MRO: variants seen among roughly 807,000 people sequenced by gnomAD.
MRO encodes the protein protein maestro.
Under a neutral mutation model 31.0 loss-of-function variants are expected in MRO, and 28 were observed. That is an observed-to-expected ratio of 0.90 (90% CI 0.67 to 1.24). The LOEUF (loss-of-function observed/expected upper bound fraction) is 1.24, where lower values mean the gene tolerates loss of function less well. MRO is among the 50% of genes most tolerant of loss of function. MRO has a pLI of 0.00. For missense variants in MRO, 332 were observed against 289.2 expected, an observed-to-expected ratio of 1.15 and a Z score of -1.07; for synonymous variants, 108 against 108.4, an observed-to-expected ratio of 1.00 and a Z score of 0.02.
chr18:50,799,974 C>T (rs1913134127), intron 7 of MRO, 62 bp downstream of exon 7: 24 of 1,162,484 alleles, frequency 2.1e-5, no homozygotes, highest in South Asian at 9.2e-5. Context: ...GGCCACCTTC[C>T]GTGTTAACCA....
At chr18:50,824,421 A>G (rs948431127), upstream of MRO, among the ~76,000 whole-genome samples, 3 of 151,460 alleles carry the variant, frequency 2.0e-5, no homozygotes, top group African/African-American at 4.8e-5. Flanking sequence ...AGCCTGGGTG[A>G]TAGAGCAAGA....
rs1913794567 is a variant in MRO at position 50,805,191 on chromosome 18, A to G, written c.392T>C (p.Ile131Thr). The G allele has an allele frequency of 3.7e-6, 6 of 1,613,738 alleles. No individual in the cohort carries two copies. Among genetic ancestry groups the G allele is most frequent in the Non-Finnish European group, 5.1e-6 (6 of 1,179,570 alleles). Residue 131 changes from isoleucine (I) to threonine (T), a missense_variant, in exon 5 of 8, where the codon ATA becomes ACA. Physicochemically the swap from Ile to Thr is moderately conservative, Grantham distance 89. Transcript: ENST00000398439. Reference protein sequence around the residue: ...IQGKGLGSFFIDITLQTRTLL... With the variant: ...IQGKGLGSFFTDITLQTRTLL... ...AGTCCTGGTCTGAAGGGTGATATCT[A>G]TGAAGAAGGAACCCAAACCTTTCCC...
chr18:50,821,381 G>A (rs1363531335), upstream of MRO, among the ~76,000 whole-genome samples: 1 of 152,156 alleles, frequency 6.6e-6, no homozygotes, highest in East Asian at 1.9e-4. Context: ...AGGAATGGGC[G>A]AGTTCAATTC....
At chr18:50,811,604 G>A (rs954764824) in intron 2 of MRO, among the ~76,000 whole-genome samples, 6 of 152,128 alleles carry the variant, frequency 3.9e-5, no homozygotes, top group Admixed American at 1.3e-4. Context: ...CCATTCACCT[G>A]TTGATAGGCA....
At chr18:50,824,323 C>T (rs1329500577), upstream of MRO, among the ~76,000 whole-genome samples, 1 of 152,076 alleles carries the variant, frequency 6.6e-6, no homozygotes, top group Non-Finnish European at 1.5e-5. Flanking sequence ...TACCTGTGGT[C>T]CTAGCTACTT....
chr18:50,803,632 T>C (rs1913628735), intron 5 of MRO, among the ~76,000 whole-genome samples: 1 of 152,208 alleles, frequency 6.6e-6, no homozygotes, highest in South Asian at 2.1e-4. Flanking sequence ...GTAGGGACCT[T>C]CGCCCGCTCC....
chr18:50,811,436 T>C (rs1914462626), intron 2 of MRO, among the ~76,000 whole-genome samples: 1 of 152,248 alleles, frequency 6.6e-6, no homozygotes, highest in Non-Finnish European at 1.5e-5. Flanking sequence ...ATATTTCACA[T>C]ATATAGAATC....
chr18:50,810,677 G>C (rs2144638616), intron 2 of MRO, among the ~76,000 whole-genome samples: 1 of 152,214 alleles, frequency 6.6e-6, no homozygotes, highest in South Asian at 2.1e-4. Flanking sequence ...AGCTTGACTT[G>C]GGTCCAACTA....
rs1431053323 is a variant in MRO at position 50,797,561 on chromosome 18, C to T, written c.*1776G>A. ...CAACCGCATCTTCCACAATTTTAAC[C>T]GACAGAGGGACATTAACTGCATAGG... On this transcript the variant is annotated 3_prime_UTR_variant, in exon 8 of 8. Transcript: ENST00000398439. 6.6e-6 allele frequency: 1 copy of T among 152,144 alleles called. No homozygotes were observed. The highest frequency in any genetic ancestry group is 1.5e-5 in the Non-Finnish European group (1 of 68,052). The allele number at this position is 152,144 out of a possible 1,614,324, so 9.4% of individuals were successfully genotyped here. A position where few individuals can be genotyped will look rare whatever the true frequency, so the allele number is the denominator to read the frequency against.
upstream of MRO, chr18:50,820,051 T>A (rs534158636): frequency 2.3e-4 from 279 of 1,219,356 alleles, no homozygotes; most frequent in Non-Finnish European, 3.1e-4. Flanking sequence ...AAAACCTCCC[T>A]GCCAAGGCCC....
chr18:50,820,030 C>T (rs1915243831), upstream of MRO: 2 of 1,400,488 alleles, frequency 1.4e-6, no homozygotes, highest in Non-Finnish European at 9.9e-7. Flanking sequence ...GACCTTTCCT[C>T]TGCACCAAAC....
intron 2 of MRO, among the ~76,000 whole-genome samples, chr18:50,810,978 C>T (rs890533888): frequency 3.3e-5 from 5 of 152,120 alleles, no homozygotes; most frequent in Admixed American, 3.3e-4. Flanking sequence ...TGGGCTGGAA[C>T]AGCTGGTGGA....
chr18:50,795,867 G>A lies in MRO; in HGVS notation c.*3470C>T, dbSNP rs1470579095. On this transcript the variant is annotated 3_prime_UTR_variant, in exon 8 of 8. Coordinates refer to ENST00000398439, the MANE Select transcript of MRO (RefSeq NM_031939.6). ...AGACAGGAGAATCGCTTGAACCCAG[G>A]AGGTGGAGGTTGCAGTGAGCCGAGA... 2.6e-5 allele frequency: 4 copies of A among 152,256 alleles called. No homozygotes were observed. Among genetic ancestry groups the A allele is most frequent in the African/African-American group, 9.7e-5 (4 of 41,444 alleles). 9.4% of individuals were successfully genotyped at this position (152,256 alleles called of 1,614,324 possible).
intron 7 of MRO, 57 bp from the exon 8 acceptor site, chr18:50,799,447 A>G: frequency 2.1e-6 from 3 of 1,442,984 alleles, no homozygotes; most frequent in East Asian, 2.3e-5. Context: ...CTTCCTTGAC[A>G]ATGTAACTAG....
At chr18:50,799,469 C>G (rs1913082884) in intron 7 of MRO, 79 bp from the exon 8 acceptor site, 3 of 1,195,830 alleles carry the variant, frequency 2.5e-6, no homozygotes, top group Non-Finnish European at 3.7e-6. Context: ...AGGCAGTGAT[C>G]AGTGCAGGGC....
intron 2 of MRO, among the ~76,000 whole-genome samples, chr18:50,817,505 A>AT (rs1915027145): frequency 6.8e-6 from 1 of 146,868 alleles, no homozygotes; most frequent in South Asian, 2.1e-4. Flanking sequence ...AAAAATAAAA[A>AT]TAAATAATAA....
In MRO at chr18:50,805,356, A is replaced by C. The variant is rs1186996195; in HGVS notation, c.247-20T>G. On this transcript the variant is annotated intron_variant, in intron 4 of 7. Transcript: ENST00000398439. ...TCTCACCTGTCACCAAGGTTTGAAAAGCAGTAATAGCACAGGAACTGCTCC... is the reference window on the plus strand; with the variant it reads ...TCTCACCTGTCACCAAGGTTTGAAACGCAGTAATAGCACAGGAACTGCTCC... 1.2e-6 allele frequency: 2 copies of C among 1,610,272 alleles called. No individual in the cohort carries two copies. The highest frequency in any genetic ancestry group is 4.5e-5 in the East Asian group (2 of 44,836).
intron 7 of MRO, 71 bp from the exon 8 acceptor site, chr18:50,799,461 G>T: frequency 7.7e-7 from 1 of 1,294,292 alleles, no homozygotes; most frequent in Non-Finnish European, 1.1e-6. Flanking sequence ...TAACTAGTAG[G>T]CAGTGATCAG....
chr18:50,822,144 A>G (rs955427943), upstream of MRO, among the ~76,000 whole-genome samples: 6 of 152,230 alleles, frequency 3.9e-5, no homozygotes, highest in African/African-American at 1.4e-4. Context: ...CTCTATTTTC[A>G]TTCTCAATTA....
Sources: gnomAD v4.1 joint callset for allele counts (sites outside exome capture counted in the v4.1 genomes callset) on GRCh38, gnomAD v4.1.1 for gene constraint, MANE v1.5 for transcripts, NCBI Gene and HGNC (gene_info 2026-07-23, HGNC 2026-07-21) for gene names.